GRM5: variants seen among roughly 807,000 people sequenced by gnomAD.
The protein encoded by GRM5 is glutamate metabotropic receptor 5.
Under a neutral mutation model 83.1 loss-of-function variants are expected in GRM5, and 19 were observed. That is an observed-to-expected ratio of 0.23 (90% CI 0.16 to 0.34). The LOEUF is 0.34. GRM5 is among the 10% of genes least tolerant of loss of function. The pLI, the probability that GRM5 is intolerant of heterozygous loss-of-function variation, is 1.00. For synonymous variants in GRM5, 675 were observed against 633.6 expected (o/e 1.07, Z -0.98); for missense variants, 1,160 against 1,588.3 (o/e 0.73, Z 4.58).
In GRM5 at chr11:88,624,292, C is replaced by T. The variant is rs568847841; in HGVS notation, c.1148-19328G>A. 1.4e-4 allele frequency among the ~76,000 whole-genome samples: 22 copies of T among 152,306 alleles called. No individual in the cohort carries two copies. The South Asian group carries it at 3.7e-3, about 26-fold the overall frequency. On this transcript the variant is annotated intron_variant, in intron 4 of 9. Transcript: ENST00000305447. ...GAACCTGATTTCACAAGGGAGAATA[C>T]CTTCCCATTATCTGTGACTATTTGA...
chr11:88,710,905 A>C (rs1941267003), intron 3 of GRM5, among the ~76,000 whole-genome samples: 3 of 152,084 alleles, frequency 2.0e-5, no homozygotes, highest in Non-Finnish European at 4.4e-5. Flanking sequence ...ATACAGGGTG[A>C]GTTGGGACCA....
chr11:88,910,788 G>A (rs748262152), intron 2 of GRM5, among the ~76,000 whole-genome samples: 5 of 152,060 alleles, frequency 3.3e-5, no homozygotes, highest in East Asian at 3.9e-4. Context: ...GTCTATTCAC[G>A]TCAATATATA....
At chr11:88,692,886 C>T (rs572598116) in intron 3 of GRM5, among the ~76,000 whole-genome samples, 6 of 152,178 alleles carry the variant, frequency 3.9e-5, no homozygotes, top group Middle Eastern at 3.4e-3. Context: ...TCATAGTCAA[C>T]GTGAGGAGAA....
At chr11:88,996,268 A>T (rs779744232) in intron 2 of GRM5, among the ~76,000 whole-genome samples, 12 of 151,074 alleles carry the variant, frequency 7.9e-5, no homozygotes, top group African/African-American at 2.9e-4. Flanking sequence ...TCCTTTGGAG[A>T]AGAACAATAC....
At chr11:88,550,711 T>C (rs1369064125) in intron 8 of GRM5, among the ~76,000 whole-genome samples, 1 of 152,178 alleles carries the variant, frequency 6.6e-6, no homozygotes, top group African/African-American at 2.4e-5. Context: ...ATTCAGTTTA[T>C]CAAGAGGCTT....
At chr11:88,842,543 A>G (rs1377110814) in intron 3 of GRM5, among the ~76,000 whole-genome samples, 1 of 152,158 alleles carries the variant, frequency 6.6e-6, no homozygotes, top group Non-Finnish European at 1.5e-5. Context: ...TGGCCATTTC[A>G]GTGTTATTTT....
chr11:88,835,118 A>T (rs1044776764), intron 3 of GRM5, among the ~76,000 whole-genome samples: 2 of 152,206 alleles, frequency 1.3e-5, no homozygotes, highest in African/African-American at 4.8e-5. Context: ...AAAACAGAAA[A>T]ATAAAAATGA....
At chr11:88,792,043 G>A (rs768856605) in intron 3 of GRM5, among the ~76,000 whole-genome samples, 2 of 152,068 alleles carry the variant, frequency 1.3e-5, no homozygotes, top group Admixed American at 6.6e-5. Flanking sequence ...AGTTGGGAGA[G>A]CATGTTAGTC....
chr11:88,534,388 T>C (rs1942087283), intron 8 of GRM5, among the ~76,000 whole-genome samples: 1 of 152,214 alleles, frequency 6.6e-6, no homozygotes, highest in Admixed American at 6.5e-5. Flanking sequence ...AGGTCACCTC[T>C]TGCAGTAGCG....
At chr11:88,786,913 T>G (rs576386756) in intron 3 of GRM5, among the ~76,000 whole-genome samples, 3 of 152,060 alleles carry the variant, frequency 2.0e-5, no homozygotes, top group Non-Finnish European at 4.4e-5. Flanking sequence ...CTATAAATGT[T>G]TGTAGAATGA....
chr11:88,674,666 C>T (rs552510399), intron 3 of GRM5, among the ~76,000 whole-genome samples: 1 of 151,954 alleles, frequency 6.6e-6, no homozygotes, highest in Non-Finnish European at 1.5e-5. Context: ...CTGCTCCTTC[C>T]AGAGACAAAG....
chr11:88,774,778 C>T (rs1035545506), intron 3 of GRM5, among the ~76,000 whole-genome samples: 1 of 152,190 alleles, frequency 6.6e-6, no homozygotes, highest in Non-Finnish European at 1.5e-5. Flanking sequence ...AGCAGCCTTG[C>T]ATCTCAGGGA....
chr11:88,508,681 C>G lies in GRM5; in HGVS notation c.3550G>C (p.Val1184Leu). Residue 1184 changes from valine (V) to leucine (L), a missense_variant, in exon 10 of 10, where the codon GTG becomes CTG. Coordinates refer to ENST00000305447, the MANE Select transcript of GRM5 (RefSeq NM_001143831.3). The surrounding 1 kb of genome is among the most constrained non-coding windows in gnomAD (Gnocchi z 4.2). ...DSGSTTPNSP[V>L]SESALCIPSS... ...GGGATACAGAGGGCCGACTCGGACA[C>G]TGGCGAGTTGGGGGTTGTGCTCCCC... The G allele has an allele frequency of 6.2e-7, 1 of 1,608,040 alleles. No individual in the cohort carries two copies. Among genetic ancestry groups the G allele is most frequent in the Non-Finnish European group, 8.5e-7 (1 of 1,177,290 alleles).
In GRM5 at chr11:89,023,798, C is replaced by G. The variant is rs150405775; in HGVS notation, c.661+23414G>C. ...CCAGGAGGCGGAGGTTGCAGTGAGC[C>G]AAGATCACACCACTGCACTCCAGCT... On this transcript the variant is annotated intron_variant, in intron 2 of 9. Transcript: ENST00000305447. Among the ~76,000 whole-genome samples, 261 of 150,688 alleles carry G rather than the reference C, an allele frequency of 1.7e-3. 1 individual carries two copies. In the East Asian group the frequency reaches 0.019, roughly 11 times the overall value.
chr11:88,809,628 C>G (rs1166928346), intron 3 of GRM5, among the ~76,000 whole-genome samples: 1 of 151,914 alleles, frequency 6.6e-6, no homozygotes, highest in Non-Finnish European at 1.5e-5. Flanking sequence ...AATAAACATA[C>G]ACTTGGGCAA....
intron 8 of GRM5, among the ~76,000 whole-genome samples, chr11:88,550,812 A>C (rs1942490484): frequency 6.6e-6 from 1 of 152,116 alleles, no homozygotes; most frequent in African/African-American, 2.4e-5. Context: ...GATTCCTACA[A>C]ATTCTTTACC....
chr11:88,924,022 T>C (rs1445646413), intron 2 of GRM5, among the ~76,000 whole-genome samples: 4 of 150,678 alleles, frequency 2.7e-5, no homozygotes, highest in Admixed American at 6.6e-5. Context: ...AAGGAAGACA[T>C]ACAAATTGTC....
At chr11:88,711,539 C>T (rs1392241043) in intron 3 of GRM5, among the ~76,000 whole-genome samples, 2 of 152,238 alleles carry the variant, frequency 1.3e-5, no homozygotes, top group Admixed American at 6.5e-5. Flanking sequence ...ACAGGTACTT[C>T]TCCACTCTGA....
intron 6 of GRM5, among the ~76,000 whole-genome samples, chr11:88,591,996 A>T (rs1937650108): frequency 1.3e-5 from 2 of 152,200 alleles, no homozygotes; most frequent in Admixed American, 1.3e-4. Flanking sequence ...AAGTTAGCTC[A>T]CATAGCATGT....
Sources: allele counts gnomAD v4.1 joint callset (sites outside exome capture counted in the v4.1 genomes callset), GRCh38; gene constraint gnomAD v4.1.1; non-coding constraint Gnocchi (gnomAD v3.1); transcripts MANE v1.5; gene names NCBI Gene and HGNC (gene_info 2026-07-23, HGNC 2026-07-21).